CTNND2: variants seen among roughly 807,000 people sequenced by gnomAD.
CTNND2 encodes the protein catenin delta-2.
In CTNND2, 22 loss-of-function variants were observed where a neutral mutation model predicts 144.4. The ratio of observed to expected loss-of-function variants is 0.15; its 90% CI spans 0.11 to 0.22. The LOEUF (loss-of-function observed/expected upper bound fraction) is 0.22. Among genes scored for constraint, CTNND2 ranks in the 10% least tolerant of loss-of-function variants. CTNND2 has a pLI of 1.00. For missense variants in CTNND2, 1,353 were observed against 1,618.8 expected (o/e 0.84, Z 2.82); for synonymous variants, 751 against 695.6 (o/e 1.08, Z -1.25).
At chr5:11,699,035 T>C (rs1166077388) in intron 2 of CTNND2, among the ~76,000 whole-genome samples, 12 of 150,876 alleles carry the variant, frequency 8.0e-5, no homozygotes, top group African/African-American at 2.9e-4. Flanking sequence ...TATACATATA[T>C]ATATATCATA....
At chr5:11,260,629 C>T (rs562793230) in intron 9 of CTNND2, among the ~76,000 whole-genome samples, 57 of 152,238 alleles carry the variant, frequency 3.7e-4, no homozygotes, top group African/African-American at 1.3e-3. Context: ...AGTGAGAACC[C>T]ACTCTCACAA....
intron 3 of CTNND2, among the ~76,000 whole-genome samples, chr5:11,423,924 T>C (rs904260399): frequency 6.6e-6 from 1 of 152,148 alleles, no homozygotes; most frequent in South Asian, 2.1e-4. Context: ...AACAGAAGAT[T>C]TGTAAAAAAT....
chr5:11,124,457 A>C lies in CTNND2; in HGVS notation c.2160-6890T>G, dbSNP rs143637463. The stretch of plus-strand genomic sequence containing the variant: ...CATACTTTTCTCGATTCCACGAAGC[A>C]CACTTGCTTTTGCTTCAAAAACATT... On this transcript the variant is annotated intron_variant, in intron 12 of 21. Transcript: ENST00000304623. Among the ~76,000 whole-genome samples the C allele has an allele frequency of 7.2e-5, 11 of 152,328 alleles. No homozygotes were observed. In the East Asian group the frequency reaches 2.1e-3, roughly 29 times the overall value.
At chr5:11,070,677 A>G (rs1748162679) in intron 16 of CTNND2, among the ~76,000 whole-genome samples, 2 of 139,528 alleles carry the variant, frequency 1.4e-5, no homozygotes, top group South Asian at 5.0e-4. Context: ...CAACAGAATA[A>G]TATCTTTGAA....
chr5:11,596,742 G>A (rs1399343387), intron 2 of CTNND2, among the ~76,000 whole-genome samples: 1 of 152,166 alleles, frequency 6.6e-6, no homozygotes, highest in Non-Finnish European at 1.5e-5. Context: ...TGCGTAGAGG[G>A]TAGTGGTTAA....
At chr5:11,609,475 G>A (rs1313426557) in intron 2 of CTNND2, among the ~76,000 whole-genome samples, 1 of 152,010 alleles carries the variant, frequency 6.6e-6, no homozygotes, top group Non-Finnish European at 1.5e-5. Context: ...TCACTGCAAT[G>A]GTCAGTCTTA....
At chr5:11,361,097 C>A (rs1178554301) in intron 8 of CTNND2, among the ~76,000 whole-genome samples, 1 of 152,200 alleles carries the variant, frequency 6.6e-6, no homozygotes, top group Non-Finnish European at 1.5e-5. Flanking sequence ...CCTGGCTCAG[C>A]GCAACCTCCA....
chr5:11,114,429 C>A (rs1312454095), intron 13 of CTNND2, among the ~76,000 whole-genome samples: 3 of 152,090 alleles, frequency 2.0e-5, no homozygotes, highest in African/African-American at 7.2e-5. Flanking sequence ...CCACATTTAT[C>A]TGTCATTTAA....
chr5:11,692,628 G>A (rs1784959415), intron 2 of CTNND2, among the ~76,000 whole-genome samples: 1 of 152,244 alleles, frequency 6.6e-6, no homozygotes, highest in Admixed American at 6.5e-5. Context: ...TTGAGATGGA[G>A]TATCGCTCTG....
At chr5:11,819,979 T>C (rs1436535795) in intron 1 of CTNND2, among the ~76,000 whole-genome samples, 1 of 152,186 alleles carries the variant, frequency 6.6e-6, no homozygotes, top group Non-Finnish European at 1.5e-5. Context: ...AGCTTTCTCC[T>C]GTATTCCAAT....
At chr5:11,472,107 C>G (rs186193406) in intron 3 of CTNND2, among the ~76,000 whole-genome samples, 21 of 152,148 alleles carry the variant, frequency 1.4e-4, no homozygotes, top group Admixed American at 4.6e-4. Context: ...TCGTGTGAGC[C>G]TTTCATTTTA....
At chr5:11,809,821 G>A (rs10051098) in intron 1 of CTNND2, among the ~76,000 whole-genome samples, 12,949 of 152,112 alleles carry the variant, frequency 0.085, 1,615 homozygotes, top group African/African-American at 0.27. Context: ...AAGGGTACAG[G>A]GCATCTGAGA....
chr5:11,150,924 C>G (rs758721591), intron 12 of CTNND2, among the ~76,000 whole-genome samples: 1 of 152,024 alleles, frequency 6.6e-6, no homozygotes, highest in Non-Finnish European at 1.5e-5. Flanking sequence ...CCGCGTCCAG[C>G]CTGAACTGCT....
At chr5:11,035,466 T>C (rs766533128) in intron 16 of CTNND2, among the ~76,000 whole-genome samples, 1 of 152,212 alleles carries the variant, frequency 6.6e-6, no homozygotes, top group East Asian at 1.9e-4. Context: ...TTAAGGACCT[T>C]TGTGATTACA....
At chr5:11,644,872 A>G (rs1325003897) in intron 2 of CTNND2, among the ~76,000 whole-genome samples, 1 of 152,166 alleles carries the variant, frequency 6.6e-6, no homozygotes, top group Non-Finnish European at 1.5e-5. Flanking sequence ...TTTATCTGTT[A>G]GAGAATTAGA....
At chr5:11,522,256 T>C (rs1441500127) in intron 3 of CTNND2, among the ~76,000 whole-genome samples, 3 of 152,222 alleles carry the variant, frequency 2.0e-5, no homozygotes, top group Non-Finnish European at 2.9e-5. Context: ...TATTTCTCAA[T>C]TTCTGTATTG....
At chr5:11,098,437 A>G in intron 15 of CTNND2, 138 bp downstream of exon 15, 1 of 716,938 alleles carries the variant, frequency 1.4e-6, no homozygotes, top group Non-Finnish European at 2.2e-6. Flanking sequence ...CAAGTAAAAC[A>G]GTTCAATATA....
chr5:11,227,472 C>A (rs577363886), intron 10 of CTNND2, among the ~76,000 whole-genome samples: 1 of 152,142 alleles, frequency 6.6e-6, no homozygotes, highest in African/African-American at 2.4e-5. Flanking sequence ...AATACAGGCT[C>A]TTTTCCAAAA....
chr5:11,248,008 G>GA (rs1460211483), intron 9 of CTNND2, among the ~76,000 whole-genome samples: 50 of 152,050 alleles, frequency 3.3e-4, no homozygotes, highest in Non-Finnish European at 3.5e-4. Flanking sequence ...CAGCCCAAGG[G>GA]AAAAAATACA....
Sources: gnomAD v4.1 joint callset for allele counts (sites outside exome capture counted in the v4.1 genomes callset) on GRCh38, gnomAD v4.1.1 for gene constraint, MANE v1.5 for transcripts, NCBI Gene and HGNC (gene_info 2026-07-23, HGNC 2026-07-21) for gene names.